SYTL3: variants seen among roughly 807,000 people sequenced by gnomAD.
The protein encoded by SYTL3 is synaptotagmin like 3.
A neutral mutation model predicts 82.1 loss-of-function variants in SYTL3; 88 were observed. The ratio of observed to expected loss-of-function variants is 1.07; its 90% CI spans 0.90 to 1.28. The LOEUF is 1.28. Among genes scored for constraint, SYTL3 ranks in the 50% most tolerant of loss-of-function variants. The probability of loss-of-function intolerance (pLI) is 0.00; values close to 1 mark genes in which losing one functional copy is unlikely to be tolerated. For missense variants in SYTL3, 831 were observed against 757.6 expected (o/e 1.10, Z -1.14); for synonymous variants, 311 against 289.4 (o/e 1.07, Z -0.76).
intron 6 of SYTL3, among the ~76,000 whole-genome samples, chr6:158,686,900 C>G (rs766182068): frequency 6.6e-6 from 1 of 152,148 alleles, no homozygotes; most frequent in Non-Finnish European, 1.5e-5. Context: ...CCTCTGGAAG[C>G]CCCCACTGGA....
intron 13 of SYTL3, among the ~76,000 whole-genome samples, chr6:158,752,358 A>AGT (rs1788507187): frequency 6.6e-6 from 1 of 152,204 alleles, no homozygotes; most frequent in Admixed American, 6.5e-5. Context: ...AGTTTGTCTT[A>AGT]GTGAATGTTT....
At chr6:158,682,331 A>G (rs1778786476) in intron 5 of SYTL3, among the ~76,000 whole-genome samples, 3 of 146,396 alleles carry the variant, frequency 2.0e-5, no homozygotes, top group Admixed American at 2.0e-4. Context: ...GGGCACAAGT[A>G]TATGTTAATA....
At chr6:158,675,546 G>A (rs1446908845) in intron 5 of SYTL3, among the ~76,000 whole-genome samples, 2 of 152,048 alleles carry the variant, frequency 1.3e-5, no homozygotes, top group African/African-American at 4.8e-5. Context: ...GGTCACAGTG[G>A]CTCACGCTTA....
intron 2 of SYTL3, among the ~76,000 whole-genome samples, chr6:158,657,709 T>G (rs1788858375): frequency 1.3e-5 from 2 of 152,120 alleles, no homozygotes; most frequent in South Asian, 4.1e-4. Context: ...TCAAATCATA[T>G]TAAGGACATT....
At chr6:158,697,332 C>T (rs1385849931) in intron 6 of SYTL3, among the ~76,000 whole-genome samples, 2 of 150,686 alleles carry the variant, frequency 1.3e-5, no homozygotes, top group Admixed American at 6.6e-5. Context: ...CGCCTGTGGT[C>T]CCAGCTACTT....
Position 158,762,087 on chromosome 6 carries a change from C to T in SYTL3, c.1426C>T (p.Pro476Ser). The change falls in exon 16 of 18, where the codon CCA (proline) becomes TCA (serine). Residue 476 changes from proline to serine, a missense_variant. By Grantham distance (74) the Pro-to-Ser change is moderately conservative. Transcript: ENST00000611299. ...GGCTTTCCTTCCAGGGACAGATCAGCCATCACTTCATGGTCAACTTTGTTT... is the reference window on the plus strand; with the variant it reads ...GGCTTTCCTTCCAGGGACAGATCAGTCATCACTTCATGGTCAACTTTGTTT... ...LQEAQEGTDQ[P>S]SLHGQLCLVV... is the part of the protein sequence containing the mutation. The T allele has an allele frequency of 6.2e-7, 1 of 1,613,472 alleles. No individual in the cohort carries two copies.
chr6:158,676,564 TTAAAC>T (rs1778053868), intron 5 of SYTL3, among the ~76,000 whole-genome samples: 1 of 151,784 alleles, frequency 6.6e-6, no homozygotes, highest in South Asian at 2.1e-4. Context: ...TGGGATCTAA[TTAAAC>T]TAAAGAGCTT....
At chr6:158,761,544 A>G (rs563297741) in intron 15 of SYTL3, among the ~76,000 whole-genome samples, 19 of 151,904 alleles carry the variant, frequency 1.3e-4, no homozygotes, top group Admixed American at 2.6e-4. Context: ...TCCTGACCTC[A>G]TGATCCGCCC....
intron 2 of SYTL3, among the ~76,000 whole-genome samples, chr6:158,657,297 G>A (rs1352762828): frequency 6.6e-6 from 1 of 151,718 alleles, no homozygotes; most frequent in South Asian, 2.1e-4. Context: ...GTGATGGCGC[G>A]TGCCTGTAAT....
intron 10 of SYTL3, among the ~76,000 whole-genome samples, chr6:158,721,178 TC>T (rs1784071329): frequency 6.6e-6 from 1 of 152,142 alleles, no homozygotes; most frequent in Non-Finnish European, 1.5e-5. Flanking sequence ...CTGCAGGCCT[TC>T]TCTCTCCCCA....
At position 158,724,994 on chromosome 6, in the gene SYTL3, T is replaced by G. The variant is rs186248247; in HGVS notation, c.721-509T>G. On this transcript the variant is annotated intron_variant, in intron 10 of 17. Coordinates refer to ENST00000611299, the MANE Select transcript of SYTL3 (RefSeq NM_001242394.2). ...TGTGCCACTGCACTGCAGCCTCCAG[T>G]GTGGGTGACAGAGCAAGACTCCGTC... 3.3e-5 allele frequency among the ~76,000 whole-genome samples: 5 copies of G among 152,216 alleles called. No homozygotes were observed. The East Asian group carries it at 9.7e-4, about 29-fold the overall frequency.
intron 12 of SYTL3, 97 bp downstream of exon 12, chr6:158,745,755 A>C (rs1787551640): frequency 9.6e-7 from 1 of 1,040,660 alleles, no homozygotes; most frequent in African/African-American, 1.6e-5. Context: ...ATTATTAAAA[A>C]AAAAAACAAA....
upstream of SYTL3, among the ~76,000 whole-genome samples, chr6:158,647,651 A>C (rs948934574): frequency 6.6e-6 from 1 of 152,270 alleles, no homozygotes; most frequent in African/African-American, 2.4e-5. Flanking sequence ...GCAGTTCACC[A>C]GATGCCATTT....
upstream of SYTL3, among the ~76,000 whole-genome samples, chr6:158,646,774 G>A (rs1787501901): frequency 6.6e-6 from 1 of 152,106 alleles, no homozygotes; most frequent in South Asian, 2.1e-4. Context: ...CCCTGTCCTG[G>A]TGTTTCAGTC....
chr6:158,722,762 G>GTTTTTTTTTTTTTTTTTTTTTTTTTT (rs34189391), intron 10 of SYTL3, among the ~76,000 whole-genome samples: 2 of 80,896 alleles, frequency 2.5e-5, no homozygotes, highest in Non-Finnish European at 4.6e-5. Context: ...TCTCTTTTCT[G>GTTTTTTTTTTTTTTTTTTTTTTTTTT]TTTTTTTTTT....
At chr6:158,679,480 C>T (rs370841043) in intron 5 of SYTL3, among the ~76,000 whole-genome samples, 4 of 152,028 alleles carry the variant, frequency 2.6e-5, no homozygotes, top group South Asian at 2.1e-4. Flanking sequence ...GTAATGGACA[C>T]CCGGGCCAAA....
intron 6 of SYTL3, among the ~76,000 whole-genome samples, chr6:158,699,529 C>G (rs988725593): frequency 6.6e-6 from 1 of 152,172 alleles, no homozygotes; most frequent in African/African-American, 2.4e-5. Context: ...GGTGTTTGAG[C>G]CACACGCGGC....
At chr6:158,670,508 A>G (rs1256324688) in intron 5 of SYTL3, among the ~76,000 whole-genome samples, 1 of 152,134 alleles carries the variant, frequency 6.6e-6, no homozygotes, top group Admixed American at 6.5e-5. Flanking sequence ...CTGGCCGGGC[A>G]TGGTGGCTCA....
At chr6:158,726,359 G>T in intron 11 of SYTL3, 1 of 305,760 alleles carries the variant, frequency 3.3e-6, no homozygotes, top group East Asian at 8.8e-5. Flanking sequence ...GAACTTGTAG[G>T]CTTTGTTTGT....
Sources: gnomAD v4.1 joint callset for allele counts (sites outside exome capture counted in the v4.1 genomes callset) on GRCh38, gnomAD v4.1.1 for gene constraint, MANE v1.5 for transcripts, NCBI Gene and HGNC (gene_info 2026-07-23, HGNC 2026-07-21) for gene names.